Variants in ZBBX observed in about 807,000 individuals in gnomAD.
ZBBX encodes the protein zinc finger B-box domain-containing protein 1.
In ZBBX, 101 loss-of-function variants were observed where a neutral mutation model predicts 108.5. That is an observed-to-expected ratio of 0.93 (90% CI 0.79 to 1.10). The LOEUF is 1.10. Ranked by LOEUF, ZBBX falls within the 50% of genes least tolerant of loss-of-function variation. The pLI is 0.00. For missense variants in ZBBX, 1,009 were observed against 941.4 expected (o/e 1.07, Z -0.94); for synonymous variants, 356 against 323.4 (o/e 1.10, Z -1.08).
chr3:167,388,475 A>G (rs1457617987), intron 1 of ZBBX, among the ~76,000 whole-genome samples: 1 of 151,926 alleles, frequency 6.6e-6, no homozygotes, highest in African/African-American at 2.4e-5. Context: ...AGTTAAAGAC[A>G]GGGAGATCAG....
the ZBBX span, among the ~76,000 whole-genome samples, chr3:167,228,617 T>C: frequency 5.7e-4 from 86 of 151,962 alleles, no homozygotes; most frequent in African/African-American, 2.0e-3. Context: ...AGGGGGCTTC[T>C]TGGAACCACT....
the ZBBX span, among the ~76,000 whole-genome samples, chr3:167,204,204 T>A: frequency 1.3e-5 from 2 of 149,874 alleles, no homozygotes; most frequent in Non-Finnish European, 3.0e-5. Flanking sequence ...TTTTCTTTTT[T>A]TTTTTTTTAA....
chr3:167,234,821 TC>T, the ZBBX span, among the ~76,000 whole-genome samples: 1 of 151,714 alleles, frequency 6.6e-6, no homozygotes, highest in South Asian at 2.1e-4. Context: ...ATTTTCAAAT[TC>T]CCTTGCATCT....
chr3:167,198,330 A>T, the ZBBX span, among the ~76,000 whole-genome samples: 1 of 152,046 alleles, frequency 6.6e-6, no homozygotes, highest in Admixed American at 6.6e-5. Context: ...AAACTTAAGG[A>T]GCCCTCCTTT....
At chr3:167,377,032 T>C (rs1747066371) in intron 2 of ZBBX, among the ~76,000 whole-genome samples, 1 of 152,216 alleles carries the variant, frequency 6.6e-6, no homozygotes, top group Non-Finnish European at 1.5e-5. Context: ...ATTCAGTTTT[T>C]TTTATAACTA....
chr3:167,251,239 A>G (rs1197678634), intron 20 of ZBBX, among the ~76,000 whole-genome samples: 1 of 152,202 alleles, frequency 6.6e-6, no homozygotes, highest in East Asian at 1.9e-4. Context: ...TCATTCTCCA[A>G]GACCACGTGT....
In ZBBX at chr3:167,354,524, C is replaced by T. The variant is rs143681569; in HGVS notation, c.433-4009G>A. Among the ~76,000 whole-genome samples, 1,391 of 151,938 alleles carry T rather than the reference C, an allele frequency of 9.2e-3. 26 individuals are homozygous for T. The highest frequency in any genetic ancestry group is 0.032 in the African/African-American group (1,314 of 41,522). On this transcript the variant is annotated intron_variant, in intron 8 of 21. Transcript: ENST00000675490. ...AAAAACACTATCCCTAGCATAGAAA[C>T]TAGTCCCCTCTTTCCATTCTTGTTT...
upstream of ZBBX, among the ~76,000 whole-genome samples, chr3:167,380,866 GCACACACACACACACACACACACACA>G (rs59349359): frequency 7.1e-6 from 1 of 141,340 alleles, no homozygotes; most frequent in South Asian, 2.4e-4. Context: ...GCAAATATAT[GCACACACACACACACACACACACACA>G]CACACACACA....
At chr3:167,288,606 T>G (rs1730133253) in intron 19 of ZBBX, among the ~76,000 whole-genome samples, 2 of 152,238 alleles carry the variant, frequency 1.3e-5, no homozygotes, top group African/African-American at 4.8e-5. Flanking sequence ...TATCCTTAAC[T>G]ACATTTTGCA....
chr3:167,385,782 C>G (rs1747892978), intron 1 of ZBBX, among the ~76,000 whole-genome samples: 1 of 152,052 alleles, frequency 6.6e-6, no homozygotes, highest in Non-Finnish European at 1.5e-5. Flanking sequence ...AGTAATTTTT[C>G]AGCTCCATTA....
At chr3:167,218,710 G>T in the ZBBX span, among the ~76,000 whole-genome samples, 1 of 151,774 alleles carries the variant, frequency 6.6e-6, no homozygotes, top group African/African-American at 2.4e-5. Context: ...TGAGAGAAAA[G>T]AATAAAAAGA....
At chr3:167,363,023 C>T (rs1274063816) in intron 6 of ZBBX, among the ~76,000 whole-genome samples, 1 of 152,022 alleles carries the variant, frequency 6.6e-6, no homozygotes, top group South Asian at 2.1e-4. Context: ...ATCTAAATGC[C>T]TCTTCAGCCA....
chr3:167,236,914 G>A (rs931551376), downstream of ZBBX, among the ~76,000 whole-genome samples: 1 of 151,772 alleles, frequency 6.6e-6, no homozygotes, highest in African/African-American at 2.4e-5. Context: ...AGGGGCAAAA[G>A]GAATTAATTT....
intron 20 of ZBBX, among the ~76,000 whole-genome samples, chr3:167,244,822 ACC>A (rs1721273961): frequency 5.9e-5 from 9 of 152,212 alleles, no homozygotes; most frequent in Admixed American, 4.6e-4. Flanking sequence ...GAGTAAGAGT[ACC>A]TTCTCTGATC....
intron 19 of ZBBX, among the ~76,000 whole-genome samples, chr3:167,287,285 C>G (rs1729878146): frequency 6.6e-6 from 1 of 152,026 alleles, no homozygotes; most frequent in Admixed American, 6.5e-5. Context: ...AAATTTATAG[C>G]ACTTTTCTCA....
the ZBBX span, among the ~76,000 whole-genome samples, chr3:167,193,251 A>T: frequency 2.0e-5 from 3 of 152,188 alleles, no homozygotes; most frequent in Non-Finnish European, 2.9e-5. Context: ...CAATCAAAGT[A>T]TCACATGTCC....
the ZBBX span, among the ~76,000 whole-genome samples, chr3:167,196,743 A>G: frequency 6.6e-6 from 1 of 152,204 alleles, no homozygotes; most frequent in Admixed American, 6.5e-5. Context: ...GGCATTTGCT[A>G]AAATATTTTA....
the ZBBX span, among the ~76,000 whole-genome samples, chr3:167,192,595 C>G: frequency 6.6e-6 from 1 of 152,102 alleles, no homozygotes; most frequent in Non-Finnish European, 1.5e-5. Context: ...CCTTTTTGAA[C>G]ACCAATAATT....
intron 17 of ZBBX, among the ~76,000 whole-genome samples, chr3:167,303,369 C>G (rs1415032681): frequency 1.3e-5 from 2 of 152,154 alleles, no homozygotes; most frequent in Non-Finnish European, 2.9e-5. Context: ...ATCTAACAGT[C>G]TTACAAGTTA....
Sources: gnomAD v4.1 joint callset for allele counts (sites outside exome capture counted in the v4.1 genomes callset) on GRCh38, gnomAD v4.1.1 for gene constraint, MANE v1.5 for transcripts, NCBI Gene and HGNC (gene_info 2026-07-23, HGNC 2026-07-21) for gene names.